Variants in MAP4K3 observed in about 807,000 individuals in gnomAD.
The protein encoded by MAP4K3 is MAPK/ERK kinase kinase kinase 3.
MAP4K3 carries 94 observed loss-of-function variants against 143.5 expected under a neutral mutation model. The observed-to-expected ratio is 0.65, with a 90% confidence interval of 0.55 to 0.78. The LOEUF is 0.78. MAP4K3 is among the 30% of genes least tolerant of loss of function. The probability of loss-of-function intolerance (pLI) is 0.00; values close to 1 mark genes in which losing one functional copy is unlikely to be tolerated. For missense variants in MAP4K3, 1,077 were observed against 1,068.1 expected (o/e 1.01, Z -0.12); for synonymous variants, 416 against 347.2 (o/e 1.20, Z -2.20).
At chr2:39,363,724 T>C (rs1042940966) in intron 2 of MAP4K3, among the ~76,000 whole-genome samples, 62 of 135,750 alleles carry the variant, frequency 4.6e-4, no homozygotes, top group African/African-American at 1.4e-3. Context: ...ATATATGAAA[T>C]AGCTTGATTT....
At chr2:39,282,575 T>G (rs774144974) in intron 21 of MAP4K3, 21 bp from the exon 22 acceptor site, 1 of 1,587,740 alleles carries the variant, frequency 6.3e-7, no homozygotes, top group South Asian at 1.1e-5. Context: ...AACACATGTA[T>G]GATTACACTT....
chr2:39,403,201 G>A (rs1220055153), intron 1 of MAP4K3, among the ~76,000 whole-genome samples: 2 of 152,132 alleles, frequency 1.3e-5, no homozygotes, highest in Non-Finnish European at 2.9e-5. Context: ...GGGCCGAACA[G>A]GACTCCACCC....
At chr2:39,284,420 C>T (rs1266512615) in intron 21 of MAP4K3, among the ~76,000 whole-genome samples, 1 of 152,110 alleles carries the variant, frequency 6.6e-6, no homozygotes, top group Non-Finnish European at 1.5e-5. Flanking sequence ...CTTGGCCTCC[C>T]AAAGTGTACG....
intron 2 of MAP4K3, among the ~76,000 whole-genome samples, chr2:39,367,468 T>C (rs1157258000): frequency 6.6e-6 from 1 of 151,318 alleles, no homozygotes; most frequent in Non-Finnish European, 1.5e-5. Flanking sequence ...TGAGCCTGGG[T>C]GGTTGAGGCT....
intron 28 of MAP4K3, among the ~76,000 whole-genome samples, chr2:39,263,521 C>T (rs1345319794): frequency 6.6e-6 from 1 of 151,270 alleles, no homozygotes; most frequent in African/African-American, 2.4e-5. Flanking sequence ...CCTCGTGATC[C>T]GCCCGCCTCG....
chr2:39,300,604 G>C (rs1257187464), intron 15 of MAP4K3, among the ~76,000 whole-genome samples: 1 of 152,076 alleles, frequency 6.6e-6, no homozygotes, highest in African/African-American at 2.4e-5. Context: ...ACCATTAAGG[G>C]GGAATATTTG....
chr2:39,330,848 C>G (rs1683659089), intron 8 of MAP4K3, among the ~76,000 whole-genome samples: 1 of 151,836 alleles, frequency 6.6e-6, no homozygotes, highest in Non-Finnish European at 1.5e-5. Flanking sequence ...TCAGGAAAAG[C>G]TTTTTTCAGG....
intron 6 of MAP4K3, among the ~76,000 whole-genome samples, chr2:39,334,707 C>T (rs1226603399): frequency 6.6e-6 from 1 of 152,168 alleles, no homozygotes; most frequent in African/African-American, 2.4e-5. Flanking sequence ...TTTCTCTCCT[C>T]CCTCCTTTCC....
chr2:39,416,010 TA>T (rs1667369999), intron 1 of MAP4K3, among the ~76,000 whole-genome samples: 1 of 62,016 alleles, frequency 1.6e-5, no homozygotes, highest in African/African-American at 6.1e-5. Context: ...TATATAAAAA[TA>T]ACATTTGGAA....
chr2:39,410,090 A>G (rs963512723), intron 1 of MAP4K3, among the ~76,000 whole-genome samples: 4 of 152,234 alleles, frequency 2.6e-5, no homozygotes, highest in African/African-American at 7.2e-5. Flanking sequence ...ACTACAGCGA[A>G]GAAGTAACTT....
rs531804924 is a variant in MAP4K3 at position 39,436,878 on chromosome 2, G to T, written c.96+14C>A. The T allele has an allele frequency of 2.6e-5, 41 of 1,592,972 alleles. No homozygotes were observed. In the East Asian group the frequency reaches 5.6e-4, roughly 22 times the overall value. On this transcript the variant is annotated intron_variant, in intron 1 of 33. Coordinates refer to ENST00000263881, the MANE Select transcript of MAP4K3 (RefSeq NM_003618.4). Reference sequence around the variant, plus strand: ...GATCCCACGGCCTCGGCGGCGCGCGGCCCCTGCCTTTACCTTGTAGACGTC... The same window carrying T: ...GATCCCACGGCCTCGGCGGCGCGCGTCCCCTGCCTTTACCTTGTAGACGTC...
At chr2:39,315,249 T>G (rs576520327) in intron 13 of MAP4K3, 61 bp downstream of exon 13, 1 of 1,178,088 alleles carries the variant, frequency 8.5e-7, no homozygotes, top group East Asian at 2.6e-5. Context: ...AAAATAACTG[T>G]AACTAAATTA....
In MAP4K3 at chr2:39,316,373, A is replaced by G. The variant is rs570203063; in HGVS notation, c.919-985T>C. ...CTCTAGCTTGTCAGGAACAAAACTGATAACTAACTCAAGAAGTCAAATGAT... is the reference window on the plus strand; with the variant it reads ...CTCTAGCTTGTCAGGAACAAAACTGGTAACTAACTCAAGAAGTCAAATGAT... On this transcript the variant is annotated intron_variant, in intron 12 of 33. Coordinates refer to ENST00000263881, the MANE Select transcript of MAP4K3 (RefSeq NM_003618.4). 7.9e-5 allele frequency among the ~76,000 whole-genome samples: 12 copies of G among 152,252 alleles called. No individual in the cohort carries two copies. In the South Asian group the frequency reaches 2.5e-3, roughly 32 times the overall value.
At chr2:39,391,118 G>A (rs566774532) in intron 1 of MAP4K3, among the ~76,000 whole-genome samples, 1 of 152,032 alleles carries the variant, frequency 6.6e-6, no homozygotes, top group Non-Finnish European at 1.5e-5. Flanking sequence ...CACTTTGGGA[G>A]GCCAAGGCAG....
intron 22 of MAP4K3, among the ~76,000 whole-genome samples, 198 bp downstream of exon 22, chr2:39,282,315 T>G (rs1269431039): frequency 6.6e-6 from 1 of 152,052 alleles, no homozygotes; most frequent in Non-Finnish European, 1.5e-5. Context: ...CTGGCCAACA[T>G]GGTGAAACTC....
intron 1 of MAP4K3, among the ~76,000 whole-genome samples, chr2:39,411,181 C>T (rs1161511325): frequency 6.6e-6 from 1 of 152,146 alleles, no homozygotes; most frequent in African/African-American, 2.4e-5. Flanking sequence ...GAAATGTTTT[C>T]TTCTTGGCGT....
intron 26 of MAP4K3, among the ~76,000 whole-genome samples, chr2:39,271,429 T>G (rs762375265): frequency 2.0e-5 from 3 of 152,194 alleles, no homozygotes; most frequent in Non-Finnish European, 4.4e-5. Flanking sequence ...TAAAAAAGAA[T>G]AGGCATATTA....
intron 1 of MAP4K3, among the ~76,000 whole-genome samples, chr2:39,413,212 T>C (rs1020611814): frequency 1.3e-4 from 20 of 152,112 alleles, no homozygotes; most frequent in African/African-American, 4.1e-4. Flanking sequence ...AAGAGAAAAA[T>C]ACATGAGTAA....
At chr2:39,325,866 C>G (rs1302326523) in intron 10 of MAP4K3, 33 bp downstream of exon 10, 1 of 1,560,104 alleles carries the variant, frequency 6.4e-7, no homozygotes, top group South Asian at 1.2e-5. Context: ...TTGCTCATCT[C>G]ACCATAAAAG....
Sources: gnomAD v4.1 joint callset for allele counts (sites outside exome capture counted in the v4.1 genomes callset) on GRCh38, gnomAD v4.1.1 for gene constraint, MANE v1.5 for transcripts, NCBI Gene and HGNC (gene_info 2026-07-23, HGNC 2026-07-21) for gene names.